WDR1: variants seen among roughly 807,000 people sequenced by gnomAD.
WDR1 encodes the protein WD repeat-containing protein 1.
A neutral mutation model predicts 71.9 loss-of-function variants in WDR1; 21 were observed. The ratio of observed to expected loss-of-function variants is 0.29; its 90% CI spans 0.21 to 0.42. The LOEUF is 0.42. WDR1 is among the 10% of genes least tolerant of loss of function. The probability of loss-of-function intolerance (pLI) is 1.00; values close to 1 mark genes in which losing one functional copy is unlikely to be tolerated. For synonymous variants in WDR1, 424 were observed against 347.4 expected, an observed-to-expected ratio of 1.22 and a Z score of -2.45; for missense variants, 696 against 824.5, an observed-to-expected ratio of 0.84 and a Z score of 1.91.
At chr4:10,112,054 AG>A (rs1713406564) in intron 2 of WDR1, among the ~76,000 whole-genome samples, 1 of 151,920 alleles carries the variant, frequency 6.6e-6, no homozygotes, top group African/African-American at 2.4e-5. Context: ...GTGAGGCAAA[AG>A]TTGCTTTTTT....
intron 2 of WDR1, 130 bp downstream of exon 2, chr4:10,115,983 G>C: frequency 7.6e-7 from 1 of 1,310,296 alleles, no homozygotes; most frequent in Admixed American, 2.5e-5. Context: ...GTGGCTCCCG[G>C]TAGAGGGGGC....
chr4:10,113,443 G>A (rs1577081882), intron 2 of WDR1, among the ~76,000 whole-genome samples: 1 of 152,320 alleles, frequency 6.6e-6, no homozygotes, highest in East Asian at 1.9e-4. Flanking sequence ...GCAATAACTA[G>A]CAGGTACCAA....
chr4:10,109,176 A>AC (rs1713200897), intron 2 of WDR1, among the ~76,000 whole-genome samples: 1 of 152,230 alleles, frequency 6.6e-6, no homozygotes, highest in African/African-American at 2.4e-5. Flanking sequence ...TGACAAAGAA[A>AC]CCAAGGCAGA....
Position 10,116,383 on chromosome 4 carries a change from G to T in WDR1, c.17-149C>A, listed in dbSNP as rs1577085270. ...CCACTTTCCACGAGCGCCAGGAACC[G>T]CGCGACTTCCTGGTCCGCGCCCCGG... is the stretch of plus-strand genomic sequence containing the variant. On this transcript the variant is annotated intron_variant, in intron 1 of 14. Coordinates refer to ENST00000499869, the MANE Select transcript of WDR1 (RefSeq NM_017491.5). The T allele has an allele frequency of 4.9e-6, 6 of 1,221,396 alleles. No homozygotes were observed. The East Asian group carries it at 1.5e-4, about 31-fold the overall frequency. The allele number at this position is 1,221,396 out of a possible 1,614,324, so 75.7% of individuals were successfully genotyped here.
Position 10,086,725 on chromosome 4 carries a change from C to G in WDR1, c.951+982G>C, listed in dbSNP as rs1344458511. ...AGGGAAGTGCTAGGGTTTGTCTCCCCGAGTGGCTTAAAGCAGGAGCCCGAG... is the reference window on the plus strand; with the variant it reads ...AGGGAAGTGCTAGGGTTTGTCTCCCGGAGTGGCTTAAAGCAGGAGCCCGAG... On this transcript the variant is annotated intron_variant, in intron 8 of 14. Transcript: ENST00000499869. Among the ~76,000 whole-genome samples the G allele has an allele frequency of 2.0e-5, 3 of 152,174 alleles. No homozygotes were observed. The East Asian group carries it at 5.8e-4, about 29-fold the overall frequency.
In WDR1 at chr4:10,074,704, C is replaced by G. The variant is rs568716662; in HGVS notation, c.*674G>C. The G allele has an allele frequency of 2.6e-5, 4 of 152,334 alleles. No homozygotes were observed. Among genetic ancestry groups the G allele is most frequent in the Non-Finnish European group, 4.4e-5 (3 of 68,012 alleles). 9.4% of individuals were successfully genotyped at this position (152,334 alleles called of 1,614,324 possible). A position where few individuals can be genotyped will look rare whatever the true frequency, so the allele number is the denominator to read the frequency against. On this transcript the variant is annotated 3_prime_UTR_variant, in exon 15 of 15. Coordinates refer to ENST00000499869, the MANE Select transcript of WDR1 (RefSeq NM_017491.5). Reference sequence around the variant, plus strand: ...AAAAACTTGGACACGGTGCCGTCAACGCACTAGTTTGTAAACACTGACAGG... The same window carrying G: ...AAAAACTTGGACACGGTGCCGTCAAGGCACTAGTTTGTAAACACTGACAGG...
At chr4:10,088,604 G>T (rs1711756187) in intron 6 of WDR1, 60 bp downstream of exon 6, 1 of 1,424,084 alleles carries the variant, frequency 7.0e-7, no homozygotes, top group Non-Finnish European at 9.7e-7. Flanking sequence ...GCGGCTCTGA[G>T]CAGTCACGGG....
chr4:10,085,844 C>T (rs12640764), intron 8 of WDR1, among the ~76,000 whole-genome samples: 32,274 of 152,264 alleles, frequency 0.21, 3,980 homozygotes, highest in South Asian at 0.36. Context: ...CGAACATCAG[C>T]ATCTGCGTGA....
chr4:10,099,712 G>C (rs1351102635), intron 3 of WDR1, among the ~76,000 whole-genome samples: 1 of 152,254 alleles, frequency 6.6e-6, no homozygotes, highest in Non-Finnish European at 1.5e-5. Context: ...TGCAGACCGG[G>C]CTTCCTGTGC....
At chr4:10,082,471 C>CCA (rs1395719049) in intron 10 of WDR1, among the ~76,000 whole-genome samples, 1 of 152,220 alleles carries the variant, frequency 6.6e-6, no homozygotes, top group East Asian at 1.9e-4. Flanking sequence ...TCAAGTCCCT[C>CCA]CAACTGCATT....
rs116330122 is a variant in WDR1, at chr4:10,081,159, C to T, written c.1284+198G>A. 5.0e-3 allele frequency among the ~76,000 whole-genome samples: 762 copies of T among 152,334 alleles called. 9 individuals carry two copies. The highest frequency in any genetic ancestry group is 0.017 in the African/African-American group (712 of 41,572). ...CCTTGGACAACCAATTTATCCATTC[C>T]GTGCCTCCATTTCTTCATCTGTACA... On this transcript the variant is annotated intron_variant, in intron 11 of 14. Transcript: ENST00000499869.
chr4:10,075,927 G>A (rs925055792), intron 14 of WDR1: 1 of 175,500 alleles, frequency 5.7e-6, no homozygotes. Context: ...AGGACTGGGG[G>A]GGCCACTGAC....
In WDR1 at chr4:10,088,703, A is replaced by T; in HGVS notation, c.597T>A (p.Pro199=). Residue 199 remains proline (P), a synonymous_variant, in exon 6 of 15, where the codon CCT becomes CCA. Coordinates refer to ENST00000499869, the MANE Select transcript of WDR1 (RefSeq NM_017491.5). ...SRFVNCVRFS[P]DGNRFATASA... ...TGGCTGTGGCAAATCTGTTCCCATC[A>T]GGAGAGAATCGCACACAGTTGACAA... 1 of 1,608,052 alleles carries T rather than the reference A, an allele frequency of 6.2e-7. No individual in the cohort carries two copies. The highest frequency in any genetic ancestry group is 8.5e-7 in the Non-Finnish European group (1 of 1,177,242).
At chr4:10,078,587 G>C (rs1201473343) in intron 12 of WDR1, 2 of 271,144 alleles carry the variant, frequency 7.4e-6, no homozygotes, top group African/African-American at 4.4e-5. Flanking sequence ...CCACTCATGG[G>C]GCTGGCTCTG....
In WDR1 at chr4:10,116,171, G is replaced by A; in HGVS notation, c.80C>T (p.Pro27Leu). 1.2e-6 allele frequency: 2 copies of A among 1,613,592 alleles called. No homozygotes were observed. The highest frequency in any genetic ancestry group is 1.1e-5 in the South Asian group (1 of 91,068). The change falls in exon 2 of 15, where the codon CCT becomes CTT. Residue 27 changes from proline to leucine, a missense_variant. By Grantham distance (98) the Pro-to-Leu change is moderately conservative (BLOSUM62 -3). Coordinates refer to ENST00000499869, the MANE Select transcript of WDR1 (RefSeq NM_017491.5). ...GGTGTACAGAAAATTGTTGCCCTTAGGGTCGCCGCCGATGATCTTGGAGAC... is the reference window on the plus strand; with the variant it reads ...GGTGTACAGAAAATTGTTGCCCTTAAGGTCGCCGCCGATGATCTTGGAGAC... ...RGVSKIIGGD[P>L]KGNNFLYTNG...
chr4:10,076,989 G>A lies in WDR1; in HGVS notation c.1714+315C>T, dbSNP rs559392327. 1.7e-5 allele frequency: 6 copies of A among 353,046 alleles called. No homozygotes were observed. In the East Asian group the frequency reaches 3.2e-4, roughly 19 times the overall value. The allele number at this position is 353,046 out of a possible 1,614,324, so 21.9% of individuals were successfully genotyped here. ...CTCACATTATACACTGGACGTGGCT[G>A]TCTTAGGGAGGGGGAGACCCTGGTC... On this transcript the variant is annotated intron_variant, in intron 14 of 14. Coordinates refer to ENST00000499869, the MANE Select transcript of WDR1 (RefSeq NM_017491.5).
chr4:10,081,858 C>G (rs755861857), intron 10 of WDR1, among the ~76,000 whole-genome samples: 13 of 152,156 alleles, frequency 8.5e-5, no homozygotes, highest in Non-Finnish European at 1.5e-4. Context: ...GAATCCGTTA[C>G]CTTTAATGGG....
intron 12 of WDR1, 68 bp from the exon 13 acceptor site, chr4:10,077,994 G>T (rs555188179): frequency 1.6e-5 from 23 of 1,466,120 alleles, no homozygotes; most frequent in Admixed American, 5.0e-5. Context: ...CTTTGTGAAG[G>T]GGGGGTCGAG....
chr4:10,086,772 C>A (rs1235439906), intron 8 of WDR1, among the ~76,000 whole-genome samples: 1 of 152,204 alleles, frequency 6.6e-6, no homozygotes, highest in African/African-American at 2.4e-5. Context: ...GGATGAAGTG[C>A]ATTGTCCACC....
Sources: allele counts gnomAD v4.1 joint callset (sites outside exome capture counted in the v4.1 genomes callset), GRCh38; gene constraint gnomAD v4.1.1; transcripts MANE v1.5; gene names NCBI Gene and HGNC (gene_info 2026-07-23, HGNC 2026-07-21).